The following PDE7B variants were observed in gnomAD, a reference collection of about 807,000 sequenced individuals.
The protein encoded by PDE7B is phosphodiesterase 7B.
PDE7B carries 29 observed loss-of-function variants against 56.2 expected under a neutral mutation model. The ratio of observed to expected loss-of-function variants is 0.52; its 90% CI spans 0.38 to 0.70. The LOEUF (loss-of-function observed/expected upper bound fraction) is 0.70, where lower values mean the gene tolerates loss of function less well. PDE7B is among the 30% of genes least tolerant of loss of function. PDE7B has a pLI of 0.00. For synonymous variants in PDE7B, 197 were observed against 196.9 expected (o/e 1.00, Z 0.00); for missense variants, 490 against 565.0 (o/e 0.87, Z 1.35).
intron 1 of PDE7B, among the ~76,000 whole-genome samples, chr6:135,889,556 T>C (rs754930328): frequency 3.4e-5 from 5 of 148,482 alleles, no homozygotes; most frequent in Non-Finnish European, 7.4e-5. Flanking sequence ...TTCTCCTGCC[T>C]CAGCCTCCTG....
chr6:135,990,960 A>T (rs1756448770), intron 2 of PDE7B, among the ~76,000 whole-genome samples: 1 of 152,212 alleles, frequency 6.6e-6, no homozygotes, highest in Non-Finnish European at 1.5e-5. Context: ...GGGGTGGATT[A>T]TTCATGAGTT....
At chr6:136,099,880 T>A (rs2128217045) in intron 2 of PDE7B, among the ~76,000 whole-genome samples, 1 of 152,368 alleles carries the variant, frequency 6.6e-6, no homozygotes, top group South Asian at 2.1e-4. Context: ...TTGCCTAGGT[T>A]TTCCTCTAGG....
intron 2 of PDE7B, among the ~76,000 whole-genome samples, chr6:135,957,976 A>G (rs1028958172): frequency 5.9e-5 from 9 of 152,134 alleles, no homozygotes; most frequent in African/African-American, 2.2e-4. Context: ...TCACGCCTAT[A>G]ATCCCAGCAC....
In PDE7B at chr6:136,141,730, C is replaced by T. The variant is rs184690706; in HGVS notation, c.167-5621C>T. 3.7e-3 allele frequency among the ~76,000 whole-genome samples: 560 copies of T among 152,278 alleles called. 1 individual carries two copies. Among genetic ancestry groups the T allele is most frequent in the African/African-American group, 0.013 (522 of 41,546 alleles). On this transcript the variant is annotated intron_variant, in intron 3 of 12. Transcript: ENST00000308191. ...GTGTCGAGGAATTTATCCATTTCTT[C>T]TAGATTTTCTAGTTTATTTGCGTAC... is the stretch of plus-strand genomic sequence containing the variant.
chr6:136,126,683 TAAGTG>T (rs1323485099), intron 3 of PDE7B, among the ~76,000 whole-genome samples: 1 of 152,178 alleles, frequency 6.6e-6, no homozygotes, highest in Admixed American at 6.5e-5. Context: ...GCAATTATTC[TAAGTG>T]AAGTTACTCA....
At chr6:136,000,275 T>G (rs1775641437) in intron 2 of PDE7B, among the ~76,000 whole-genome samples, 1 of 152,232 alleles carries the variant, frequency 6.6e-6, no homozygotes, top group South Asian at 2.1e-4. Context: ...TTGTCAATTT[T>G]TGCTTTTGTT....
intron 6 of PDE7B, among the ~76,000 whole-genome samples, chr6:136,151,783 A>AC (rs1778522140): frequency 2.3e-5 from 1 of 43,512 alleles, no homozygotes; most frequent in Non-Finnish European, 4.2e-5. Context: ...AAAATACAAA[A>AC]AAAAAATTAG....
At chr6:135,853,564 A>G (rs969949818) in intron 1 of PDE7B, among the ~76,000 whole-genome samples, 2 of 152,218 alleles carry the variant, frequency 1.3e-5, no homozygotes, top group African/African-American at 4.8e-5. Flanking sequence ...TGTCTCAAGT[A>G]GAAGCCCACA....
At chr6:135,988,061 G>A (rs1161738493) in intron 2 of PDE7B, among the ~76,000 whole-genome samples, 1 of 152,150 alleles carries the variant, frequency 6.6e-6, no homozygotes, top group East Asian at 1.9e-4. Flanking sequence ...TATCATGTGA[G>A]AAAATTAAAA....
intron 1 of PDE7B, among the ~76,000 whole-genome samples, chr6:135,903,511 A>T (rs1341686021): frequency 2.6e-5 from 4 of 152,178 alleles, no homozygotes; most frequent in Non-Finnish European, 5.9e-5. Context: ...AAGCTCTAAA[A>T]GTTGTTTAGG....
intron 3 of PDE7B, among the ~76,000 whole-genome samples, chr6:136,115,943 C>CTA (rs1374024855): frequency 6.6e-6 from 1 of 152,162 alleles, no homozygotes; most frequent in Non-Finnish European, 1.5e-5. Flanking sequence ...CTGCTATATG[C>CTA]TATATCTGGG....
chr6:136,136,430 T>A (rs970293555), intron 3 of PDE7B, among the ~76,000 whole-genome samples: 1 of 152,044 alleles, frequency 6.6e-6, no homozygotes, highest in African/African-American at 2.4e-5. Flanking sequence ...GAAAGTCAGA[T>A]ATGTGAATAA....
At chr6:135,953,773 A>G (rs1774741618) in intron 2 of PDE7B, among the ~76,000 whole-genome samples, 1 of 152,188 alleles carries the variant, frequency 6.6e-6, no homozygotes, top group South Asian at 2.1e-4. Flanking sequence ...ATAGGTTATG[A>G]AAGAAATATT....
chr6:136,134,421 T>C (rs1382388963), intron 3 of PDE7B, among the ~76,000 whole-genome samples: 1 of 152,104 alleles, frequency 6.6e-6, no homozygotes, highest in Non-Finnish European at 1.5e-5. Context: ...CCACAAACCG[T>C]TGCCCTCAAA....
intron 2 of PDE7B, among the ~76,000 whole-genome samples, chr6:136,007,770 A>G (rs1775814085): frequency 6.6e-6 from 1 of 151,430 alleles, no homozygotes; most frequent in South Asian, 2.1e-4. Context: ...AGGTGTTCAT[A>G]GTAGTTTCTG....
chr6:136,007,125 T>C (rs144330336), intron 2 of PDE7B, among the ~76,000 whole-genome samples: 77 of 152,288 alleles, frequency 5.1e-4, no homozygotes, highest in African/African-American at 1.8e-3. Context: ...TAAAGGGATG[T>C]TGGATTTTAT....
chr6:135,942,586 ACTTATCCCTCCTGTGTAAAATTTTGTAAT>A (rs1207453894), intron 1 of PDE7B, among the ~76,000 whole-genome samples: 2 of 152,084 alleles, frequency 1.3e-5, no homozygotes, highest in Non-Finnish European at 2.9e-5. Flanking sequence ...GATTTCCTGA[ACTTATCCCTCCTGTGTAAAATTTTGTAAT>A]ATTTTACCAA....
At chr6:136,102,620 C>T (rs1010516912) in intron 2 of PDE7B, among the ~76,000 whole-genome samples, 1 of 152,182 alleles carries the variant, frequency 6.6e-6, no homozygotes, top group Non-Finnish European at 1.5e-5. Flanking sequence ...AGGTCTTTTA[C>T]AGCTTTTGAA....
At chr6:135,920,097 T>C (rs1018496255) in intron 1 of PDE7B, among the ~76,000 whole-genome samples, 1 of 152,168 alleles carries the variant, frequency 6.6e-6, no homozygotes, top group Non-Finnish European at 1.5e-5. Flanking sequence ...TTTTAAAAAG[T>C]GATCATGAGC....
Sources: allele counts gnomAD v4.1 joint callset (sites outside exome capture counted in the v4.1 genomes callset), GRCh38; gene constraint gnomAD v4.1.1; transcripts MANE v1.5; gene names NCBI Gene and HGNC (gene_info 2026-07-23, HGNC 2026-07-21).